The following FAT1 variants were observed in gnomAD, a reference collection of about 807,000 sequenced individuals.
FAT1 encodes the protein protocadherin Fat 1.
In FAT1, 171 loss-of-function variants were observed where a neutral mutation model predicts 329.8. The ratio of observed to expected loss-of-function variants is 0.52; its 90% CI spans 0.46 to 0.59. FAT1 has a LOEUF of 0.59. Ranked by LOEUF, FAT1 falls within the 20% of genes least tolerant of loss-of-function variation. FAT1 has a pLI of 0.00. For missense variants in FAT1, 5,672 were observed against 5,774.4 expected, an observed-to-expected ratio of 0.98 and a Z score of 0.57; for synonymous variants, 2,233 against 2,228.6, an observed-to-expected ratio of 1.00 and a Z score of -0.06.
chr4:186,642,248 G>A (rs1221125922), intron 3 of FAT1, among the ~76,000 whole-genome samples: 1 of 152,104 alleles, frequency 6.6e-6, no homozygotes, highest in African/African-American at 2.4e-5. Context: ...TAAACTCACT[G>A]CAGGGCCTGG....
chr4:186,633,745 T>C lies in FAT1; in HGVS notation c.4262A>G (p.Gln1421Arg), dbSNP rs754107839. The C allele has an allele frequency of 1.1e-5, 17 of 1,613,878 alleles. No individual in the cohort carries two copies. The highest frequency in any genetic ancestry group is 1.4e-5 in the Non-Finnish European group (16 of 1,179,888). The change falls in exon 7 of 27, where the codon CAG (glutamine) becomes CGG (arginine). Residue 1421 changes from glutamine to arginine, a missense_variant. Gln to Arg is a conservative substitution (Grantham distance 43). Coordinates refer to ENST00000441802, the MANE Select transcript of FAT1 (RefSeq NM_005245.4). Reference sequence around the variant, plus strand: ...GACTGTGAGGTTGTAGTTTGACTTCTGTTCTGCATCAAGAGGTTTGGCAAC... The same window carrying C: ...GACTGTGAGGTTGTAGTTTGACTTCCGTTCTGCATCAAGAGGTTTGGCAAC... ...IIVAKPLDAE[Q>R]KSNYNLTVEA...
intron 2 of FAT1, among the ~76,000 whole-genome samples, chr4:186,694,583 TCCC>T (rs1743940688): frequency 6.6e-6 from 1 of 152,186 alleles, no homozygotes; most frequent in Non-Finnish European, 1.5e-5. Flanking sequence ...TAACTAAATT[TCCC>T]CCCATTATTC....
At position 186,663,396 on chromosome 4, in the gene FAT1, G is replaced by T. The variant is rs537818371; in HGVS notation, c.3483C>A (p.Ile1161=). 3 of 1,613,968 alleles carry T rather than the reference G, an allele frequency of 1.9e-6. No individual in the cohort carries two copies. Among genetic ancestry groups the T allele is most frequent in the Admixed American group, 1.7e-5 (1 of 60,014 alleles). The change falls in exon 3 of 27, where the codon ATC becomes ATA. Residue 1161 remains isoleucine (I), a synonymous_variant. Transcript: ENST00000441802. The part of the protein sequence containing the change: ...NSPKDVSVVQ[I]EAFDPDSSSN... ...AGCTCGAATCTGGATCAAATGCCTC[G>T]ATCTGGACCACAGATACATCTTTAG...
intron 1 of FAT1, among the ~76,000 whole-genome samples, chr4:186,713,372 T>A (rs187124421): frequency 6.6e-6 from 1 of 152,218 alleles, no homozygotes; most frequent in Admixed American, 6.5e-5. Context: ...TGGGGTTCTG[T>A]TTTGGGGAGA....
intron 3 of FAT1, among the ~76,000 whole-genome samples, chr4:186,658,506 C>T (rs570169835): frequency 3.3e-5 from 5 of 152,282 alleles, no homozygotes; most frequent in African/African-American, 7.2e-5. Context: ...TCCAAAAAGA[C>T]TTTTATTTAA....
At chr4:186,688,579 C>G (rs368203887) in intron 2 of FAT1, among the ~76,000 whole-genome samples, 1 of 151,942 alleles carries the variant, frequency 6.6e-6, no homozygotes, top group African/African-American at 2.4e-5. Flanking sequence ...TGAAGGGGGA[C>G]GCAATTCAAG....
At chr4:186,636,313 T>G (rs929510913) in intron 5 of FAT1, 78 bp from the exon 6 acceptor site, 55 of 1,376,218 alleles carry the variant, frequency 4.0e-5, no homozygotes, top group Non-Finnish European at 5.2e-5. Context: ...CACAGACTGG[T>G]TTGGTCTTAA....
chr4:186,623,550 C>G (rs1740149060), intron 9 of FAT1, among the ~76,000 whole-genome samples: 1 of 152,186 alleles, frequency 6.6e-6, no homozygotes, highest in Non-Finnish European at 1.5e-5. Flanking sequence ...ACAGGATAAT[C>G]TTATCTTGCC....
At chr4:186,668,740 A>G (rs1341492992) in intron 2 of FAT1, among the ~76,000 whole-genome samples, 1 of 152,186 alleles carries the variant, frequency 6.6e-6, no homozygotes, top group Non-Finnish European at 1.5e-5. Flanking sequence ...TTCTTCTGTA[A>G]CTTTAGCAGT....
chr4:186,691,828 A>T (rs1050692778), intron 2 of FAT1, among the ~76,000 whole-genome samples: 4 of 151,958 alleles, frequency 2.6e-5, no homozygotes, highest in African/African-American at 9.7e-5. Flanking sequence ...ATAAAATATT[A>T]AAAAAAACAG....
At chr4:186,699,286 A>C (rs958267473) in intron 2 of FAT1, among the ~76,000 whole-genome samples, 1 of 152,212 alleles carries the variant, frequency 6.6e-6, no homozygotes, top group Non-Finnish European at 1.5e-5. Flanking sequence ...ACAAAAAACC[A>C]ATTGATTTAA....
intron 1 of FAT1, among the ~76,000 whole-genome samples, chr4:186,720,320 A>T (rs983540759): frequency 1.3e-5 from 2 of 152,038 alleles, no homozygotes; most frequent in Non-Finnish European, 2.9e-5. Flanking sequence ...CATAAAAACA[A>T]TCCTCCCTTT....
rs543349499 is a variant in FAT1, at chr4:186,690,210, G to A, written c.3265+16353C>T. On this transcript the variant is annotated intron_variant, in intron 2 of 26. Coordinates refer to ENST00000441802, the MANE Select transcript of FAT1 (RefSeq NM_005245.4). The stretch of plus-strand genomic sequence containing the variant: ...AATTATACTTGTTAGGCATGAAGCC[G>A]TTATCTCAAGTTTACTATTCATTAG... Among the ~76,000 whole-genome samples the A allele has an allele frequency of 5.9e-5, 9 of 152,274 alleles. No individual in the cohort carries two copies. The South Asian group carries it at 1.9e-3, about 32-fold the overall frequency.
chr4:186,604,053 ACTC>A, intron 18 of FAT1, 76 bp from the exon 19 acceptor site: 1 of 1,187,910 alleles, frequency 8.4e-7, no homozygotes, highest in Non-Finnish European at 1.2e-6. Context: ...CATTTGTATT[ACTC>A]AAGTTCCCAA....
chr4:186,663,222 T>A, intron 3 of FAT1, 77 bp downstream of exon 3: 1 of 1,084,008 alleles, frequency 9.2e-7, no homozygotes, highest in Non-Finnish European at 1.3e-6. Context: ...ATGTAACAGA[T>A]AAATGCTAAT....
intron 1 of FAT1, among the ~76,000 whole-genome samples, chr4:186,717,316 C>T (rs968212027): frequency 1.1e-4 from 17 of 152,170 alleles, no homozygotes; most frequent in African/African-American, 4.1e-4. Context: ...TCAGCATGAA[C>T]GGAGGAAGCT....
At chr4:186,647,641 A>G (rs1382819811) in intron 3 of FAT1, among the ~76,000 whole-genome samples, 1 of 152,162 alleles carries the variant, frequency 6.6e-6, no homozygotes, top group Non-Finnish European at 1.5e-5. Context: ...TAATCATAGC[A>G]TTATTCTGAC....
intron 2 of FAT1, among the ~76,000 whole-genome samples, chr4:186,693,677 G>A (rs540976674): frequency 1.9e-5 from 2 of 104,316 alleles, no homozygotes; most frequent in African/African-American, 4.3e-5. Flanking sequence ...CCCACAGAAC[G>A]GTGACCCAAA....
chr4:186,612,172 A>G (rs1450046852), intron 13 of FAT1, among the ~76,000 whole-genome samples: 1 of 151,006 alleles, frequency 6.6e-6, no homozygotes, highest in African/African-American at 2.4e-5. Flanking sequence ...ACGCTAATAT[A>G]CATTATTCGC....
Sources: gnomAD v4.1 joint callset for allele counts (sites outside exome capture counted in the v4.1 genomes callset) on GRCh38, gnomAD v4.1.1 for gene constraint, MANE v1.5 for transcripts, NCBI Gene and HGNC (gene_info 2026-07-23, HGNC 2026-07-21) for gene names.